The following PRUNE2 variants were observed in gnomAD, a reference collection of about 807,000 sequenced individuals.
PRUNE2 encodes the protein protein prune homolog 2.
Under a neutral mutation model 252.0 loss-of-function variants are expected in PRUNE2, and 164 were observed. The ratio of observed to expected loss-of-function variants is 0.65; its 90% CI spans 0.57 to 0.74. The LOEUF (loss-of-function observed/expected upper bound fraction) is 0.74, where lower values mean the gene tolerates loss of function less well. Ranked by LOEUF, PRUNE2 falls within the 30% of genes least tolerant of loss-of-function variation. PRUNE2 has a pLI of 0.00. For synonymous variants in PRUNE2, 1,292 were observed against 1,350.2 expected, an observed-to-expected ratio of 0.96 and a Z score of 0.94; for missense variants, 3,495 against 3,711.0, an observed-to-expected ratio of 0.94 and a Z score of 1.51.
rs560381663 is a variant in PRUNE2 at position 76,691,455 on chromosome 9, T to G, written c.8276+11882A>C. On this transcript the variant is annotated intron_variant, in intron 9 of 18. Transcript: ENST00000376718. ...ATAACTTAGTTTCTCAGTGAAATACTGATATCCTTTCAGTAGAGTATTCTT... is the reference window on the plus strand; with the variant it reads ...ATAACTTAGTTTCTCAGTGAAATACGGATATCCTTTCAGTAGAGTATTCTT... 4.9e-4 allele frequency among the ~76,000 whole-genome samples: 75 copies of G among 152,374 alleles called. 1 individual carries two copies. The highest frequency in any genetic ancestry group is 2.7e-3 in the South Asian group (13 of 4,828).
intron 6 of PRUNE2, among the ~76,000 whole-genome samples, chr9:76,740,711 T>A (rs1233477702): frequency 6.6e-6 from 1 of 152,178 alleles, no homozygotes; most frequent in Non-Finnish European, 1.5e-5. Flanking sequence ...ATTTTTATAA[T>A]TAAAACATAA....
intron 1 of PRUNE2, among the ~76,000 whole-genome samples, chr9:76,883,739 A>G (rs141133944): frequency 7.2e-5 from 11 of 152,256 alleles, no homozygotes; most frequent in African/African-American, 2.6e-4. Context: ...TACTACTTAT[A>G]CTGTGGAGAT....
At chr9:76,715,231 C>T (rs1564136325) in intron 6 of PRUNE2, among the ~76,000 whole-genome samples, 2 of 152,152 alleles carry the variant, frequency 1.3e-5, no homozygotes, top group Admixed American at 6.5e-5. Context: ...CTTTGAAACT[C>T]GTGGATTGGG....
At position 76,612,419 on chromosome 9, in the gene PRUNE2, T is replaced by A. The variant is rs375975980; in HGVS notation, c.*2151A>T. On this transcript the variant is annotated 3_prime_UTR_variant, in exon 19 of 19. Transcript: ENST00000376718. ...CACTGAACACTGGATTTTTCATTAC[T>A]TCCTGTGACAGGGTGACCATGGAAT... 1.3e-4 allele frequency: 20 copies of A among 152,348 alleles called. No individual in the cohort carries two copies. In the East Asian group the frequency reaches 2.7e-3, roughly 21 times the overall value. 9.4% of individuals were successfully genotyped at this position (152,348 alleles called of 1,614,324 possible). A position where few individuals can be genotyped will look rare whatever the true frequency, so the allele number is the denominator to read the frequency against.
At chr9:76,902,486 C>A (rs555780678) in intron 1 of PRUNE2, among the ~76,000 whole-genome samples, 2 of 152,302 alleles carry the variant, frequency 1.3e-5, no homozygotes, top group South Asian at 4.1e-4. Flanking sequence ...AAAAATATGG[C>A]TGGGTTCTCA....
chr9:76,708,823 C>G lies in PRUNE2; in HGVS notation c.3451G>C (p.Gly1151Arg). 1 of 1,613,886 alleles carries G rather than the reference C, an allele frequency of 6.2e-7. No homozygotes were observed. The highest frequency in any genetic ancestry group is 1.1e-5 in the South Asian group (1 of 91,074). The change falls in exon 8 of 19, where the codon GGT (glycine) becomes CGT (arginine). Residue 1151 changes from glycine (G) to arginine (R), a missense_variant. Physicochemically the swap from Gly to Arg is moderately radical, Grantham distance 125 (BLOSUM62 -2). Transcript: ENST00000376718. ...TCAGCCATGTATCCTTCTGTTTGAC[C>G]ATCACTGGGGATTGCCGCACCCCCA... is the stretch of plus-strand genomic sequence containing the variant. ...CSGGAAIPSD[G>R]QTEGYMAEGS...
chr9:76,875,756 T>C (rs1165543443), intron 1 of PRUNE2, among the ~76,000 whole-genome samples: 1 of 152,214 alleles, frequency 6.6e-6, no homozygotes, highest in Non-Finnish European at 1.5e-5. Flanking sequence ...TATAATAGAA[T>C]GAATAGGGAA....
intron 1 of PRUNE2, among the ~76,000 whole-genome samples, chr9:76,902,283 C>A (rs1014809563): frequency 1.3e-5 from 2 of 150,812 alleles, no homozygotes; most frequent in Admixed American, 6.6e-5. Flanking sequence ...CAGCATAGAG[C>A]AGGGAGCCCT....
chr9:76,848,081 C>A (rs972268283), intron 3 of PRUNE2, among the ~76,000 whole-genome samples: 1 of 151,854 alleles, frequency 6.6e-6, no homozygotes, highest in African/African-American at 2.4e-5. Context: ...CTGGCCAACA[C>A]GGTGAAACCC....
At chr9:76,703,127 G>A (rs777473397) in intron 9 of PRUNE2, among the ~76,000 whole-genome samples, 3 of 151,516 alleles carry the variant, frequency 2.0e-5, no homozygotes, top group Non-Finnish European at 4.4e-5. Flanking sequence ...AATGAAAATT[G>A]AAGGGGCTTT....
intron 6 of PRUNE2, chr9:76,739,118 A>G (rs2049340250): frequency 6.6e-6 from 1 of 152,238 alleles, no homozygotes. Context: ...ATTACCTCGT[A>G]TATTCCACTA....
chr9:76,704,898 T>C lies in PRUNE2; in HGVS notation c.7376A>G (p.His2459Arg). The C allele has an allele frequency of 6.2e-7, 1 of 1,610,478 alleles. No individual in the cohort carries two copies. The highest frequency in any genetic ancestry group is 8.5e-7 in the Non-Finnish European group (1 of 1,178,148). The change falls in exon 8 of 19, where the codon CAT becomes CGT. Residue 2459 changes from histidine (H) to arginine (R), a missense_variant. His to Arg is a conservative substitution (Grantham distance 29, BLOSUM62 0). Coordinates refer to ENST00000376718, the MANE Select transcript of PRUNE2 (RefSeq NM_015225.3). The part of the protein sequence containing the change: ...RLPGSQLAVL[H>R]IREDPESVYL... ...AACGGACTCAGGGTCTTCACGAATATGCAGCACAGCCAGCTGGGATCCAGG... is the reference window on the plus strand; with the variant it reads ...AACGGACTCAGGGTCTTCACGAATACGCAGCACAGCCAGCTGGGATCCAGG...
chr9:76,850,156 C>A (rs1026074718), intron 3 of PRUNE2, among the ~76,000 whole-genome samples: 2 of 152,080 alleles, frequency 1.3e-5, no homozygotes, highest in Non-Finnish European at 2.9e-5. Context: ...TCAGGCAATT[C>A]TCGTGCCTCA....
intron 6 of PRUNE2, among the ~76,000 whole-genome samples, chr9:76,721,642 G>A (rs1588839802): frequency 6.6e-6 from 1 of 152,110 alleles, no homozygotes; most frequent in Non-Finnish European, 1.5e-5. Flanking sequence ...TGCATTTTTG[G>A]GAACAGTGAG....
At chr9:76,847,201 C>T (rs1337105238) in intron 3 of PRUNE2, among the ~76,000 whole-genome samples, 1 of 151,950 alleles carries the variant, frequency 6.6e-6, no homozygotes, top group Non-Finnish European at 1.5e-5. Flanking sequence ...TGGCAGCTGC[C>T]TGTAATCCCA....
chr9:76,652,487 G>T lies in PRUNE2; in HGVS notation c.8553C>A (p.Gly2851=). 1 of 1,610,386 alleles carries T rather than the reference G, an allele frequency of 6.2e-7. No homozygotes were observed. Among genetic ancestry groups the T allele is most frequent in the Non-Finnish European group, 8.5e-7 (1 of 1,177,000 alleles). ...PDEADSFEYT[G]HDPTANKDSG... ...CTTGCCAACTTAGTGACTTACCATG[G>T]CCAGTGTACTCAAAAGAATCTGCTT... The change falls in exon 11 of 19, where the codon GGC becomes GGA. Residue 2851 remains glycine (G), a synonymous_variant. Transcript: ENST00000376718.
chr9:76,742,572 T>G (rs2049735571), intron 6 of PRUNE2, among the ~76,000 whole-genome samples: 1 of 151,718 alleles, frequency 6.6e-6, no homozygotes, highest in Admixed American at 6.6e-5. Flanking sequence ...AAGCCAAGAT[T>G]GTGCCATAGC....
At chr9:76,795,252 C>T (rs1286642353) in intron 6 of PRUNE2, among the ~76,000 whole-genome samples, 1 of 115,662 alleles carries the variant, frequency 8.6e-6, no homozygotes, top group Non-Finnish European at 1.6e-5. Flanking sequence ...GCAGATCTGC[C>T]TTCTAGATAA....
At chr9:76,642,338 A>G (rs1842969838) in intron 12 of PRUNE2, among the ~76,000 whole-genome samples, 1 of 152,190 alleles carries the variant, frequency 6.6e-6, no homozygotes, top group African/African-American at 2.4e-5. Flanking sequence ...ATGGGTTTTG[A>G]GCCCCATTCT....
Sources: gnomAD v4.1 joint callset for allele counts (sites outside exome capture counted in the v4.1 genomes callset) on GRCh38, gnomAD v4.1.1 for gene constraint, MANE v1.5 for transcripts, NCBI Gene and HGNC (gene_info 2026-07-23, HGNC 2026-07-21) for gene names.